The following OR10S1 variants were observed in gnomAD, a reference collection of about 807,000 sequenced individuals.
OR10S1 encodes the protein olfactory receptor family 10 subfamily S member 1, also known as olfactory receptor 10S1.
For synonymous variants in OR10S1, 167 were observed against 164.1 expected (o/e 1.02, Z -0.13); for missense variants, 415 against 407.9 (o/e 1.02, Z -0.15).
rs749281368 is a variant in OR10S1 at position 123,976,699 on chromosome 11, T to TG, written c.965dup (p.Ter323IlefsTer?). ...TTGTGAGTTTTGATAGCACAGACTATGGGGGTGGGCTGCCTGCTGTAGACT... is the reference window on the plus strand; with the variant it reads ...TTGTGAGTTTTGATAGCACAGACTATGGGGGGTGGGCTGCCTGCTGTAGACT... On this transcript the variant is annotated frameshift_variant, in exon 1 of 1. Coordinates refer to ENST00000641123, the Ensembl canonical transcript of OR10S1. LOFTEE classifies it high-confidence loss of function. 1 of 1,606,518 alleles carries TG rather than the reference T, an allele frequency of 6.2e-7. No homozygotes were observed. Among genetic ancestry groups the TG allele is most frequent in the African/African-American group, 1.3e-5 (1 of 74,944 alleles).
rs1863731551 is a variant in OR10S1, at chr11:123,977,432, GACAA to G, written c.229_232del (p.Ser78GlnfsTer2). On this transcript the variant is annotated frameshift_variant, in exon 1 of 1. Transcript: ENST00000641123. LOFTEE classifies it low-confidence loss of function (END_TRUNC). ...CATGACCTTGGGCACTGTCACTGTA[GACAA>G]ACAGGCATCCAGGAAGGAGAGGTGC... The G allele has an allele frequency of 2.6e-5, 42 of 1,614,034 alleles. No homozygotes were observed. The highest frequency in any genetic ancestry group is 3.5e-5 in the Non-Finnish European group (41 of 1,180,026).
exon 1 of OR10S1, chr11:123,976,804 C>T (rs1294211212): frequency 1.9e-6 from 3 of 1,614,064 alleles, no homozygotes; most frequent in Non-Finnish European, 2.5e-6. Context: ...ATGGGTTGAG[C>T]ATTGGAGTTA....
chr11:123,976,708 G>A (rs777588506), exon 1 of OR10S1: 2 of 1,608,940 alleles, frequency 1.2e-6, no homozygotes, highest in Non-Finnish European at 1.7e-6. Flanking sequence ...ATGGGGGTGG[G>A]CTGCCTGCTG....
At chr11:123,977,260 C>G in exon 1 of OR10S1, 1 of 1,614,170 alleles carries the variant, frequency 6.2e-7, no homozygotes, top group Non-Finnish European at 8.5e-7. Flanking sequence ...CTGGGTAGTG[C>G]AGGGGTTGAC....
chr11:123,976,703 G>C (rs377386301), exon 1 of OR10S1: 11 of 1,607,936 alleles, frequency 6.8e-6, no homozygotes, highest in African/African-American at 5.3e-5. Context: ...AGACTATGGG[G>C]GTGGGCTGCC....
At chr11:123,977,188 C>G (rs1476341540) in exon 1 of OR10S1, 7 of 1,614,076 alleles carry the variant, frequency 4.3e-6, no homozygotes, top group Non-Finnish European at 5.9e-6. Flanking sequence ...TTGCAGCGTG[C>G]GTGGCACCTA....
At chr11:123,976,798 G>A (rs1449444120) in exon 1 of OR10S1, 1 of 1,614,094 alleles carries the variant, frequency 6.2e-7, no homozygotes, top group Admixed American at 1.7e-5. Context: ...AAATGAATGG[G>A]TTGAGCATTG....
exon 1 of OR10S1, chr11:123,977,062 C>T (rs200731677): frequency 2.8e-5 from 45 of 1,614,202 alleles, no homozygotes; most frequent in Non-Finnish European, 3.6e-5. Context: ...GCATGACTAG[C>T]TCATTAATGG....
chr11:123,976,707 G>C (rs755883912), exon 1 of OR10S1: 2 of 1,608,986 alleles, frequency 1.2e-6, no homozygotes, highest in African/African-American at 1.3e-5. Context: ...TATGGGGGTG[G>C]GCTGCCTGCT....
Position 123,976,755 on chromosome 11 carries a change from G to T in OR10S1, c.910C>A (p.Leu304Met), listed in dbSNP as rs369589089. The T allele has an allele frequency of 1.2e-5, 20 of 1,614,082 alleles. No homozygotes were observed. Among genetic ancestry groups the T allele is most frequent in the African/African-American group, 1.1e-4 (8 of 74,930 alleles). Residue 304 changes from leucine to methionine, a missense_variant, in exon 1 of 1, where the codon CTG (leucine) becomes ATG (methionine). Leu to Met is a conservative substitution (Grantham distance 15, BLOSUM62 2). Coordinates refer to ENST00000641123, the Ensembl canonical transcript of OR10S1. ...AAGCTGCTGCACAAAAGCCTTTGCA[G>T]AGCATGCTTCACCTCCTTGTTCCGC...
chr11:123,977,658 T>C, exon 1 of OR10S1: 1 of 1,602,370 alleles, frequency 6.2e-7, no homozygotes, highest in African/African-American at 1.3e-5. Flanking sequence ...TCCGTTGTCA[T>C]GGTCATCTTC....
At chr11:123,976,894 G>A (rs758385131) in exon 1 of OR10S1, 29 of 1,613,980 alleles carry the variant, frequency 1.8e-5, no homozygotes, top group Middle Eastern at 1.6e-4. Flanking sequence ...CAGGTGGCAC[G>A]TAGTACAGGA....
In OR10S1 at chr11:123,977,012, A is replaced by C. The variant is rs1223144767; in HGVS notation, c.653T>G (p.Leu218Arg). The change falls in exon 1 of 1, where the codon CTC becomes CGC. Residue 218 changes from leucine to arginine, a missense_variant. Transcript: ENST00000641123. ...GATGAAGATGTAGGAAATAACGATG[A>C]GGATGAGGCAGCCTGCAGCCACGAT... 1.9e-6 allele frequency: 3 copies of C among 1,614,056 alleles called. No homozygotes were observed. In the African/African-American group the frequency reaches 4.0e-5, roughly 22 times the overall value.
At chr11:123,977,348 A>T (rs767876382) in exon 1 of OR10S1, 1 of 1,614,044 alleles carries the variant, frequency 6.2e-7, no homozygotes, top group Non-Finnish European at 8.5e-7. Flanking sequence ...GAAGCAATAA[A>T]GCTGTACGGC....
chr11:123,977,263 G>A (rs767812934), exon 1 of OR10S1: 1 of 1,614,188 alleles, frequency 6.2e-7, no homozygotes, highest in Middle Eastern at 1.6e-4. Flanking sequence ...GGTAGTGCAG[G>A]GGTTGACAGA....
chr11:123,977,217 C>T, exon 1 of OR10S1: 1 of 1,614,180 alleles, frequency 6.2e-7, no homozygotes, highest in African/African-American at 1.3e-5. Context: ...GTGATTCCAG[C>T]CATTTCTGCA....
rs1438626554 is a variant in OR10S1 at position 123,977,738 on chromosome 11, C to A, written c.-74G>T. The A allele has an allele frequency of 2.6e-6, 4 of 1,530,218 alleles. No homozygotes were observed. In the East Asian group the frequency reaches 6.8e-5, roughly 26 times the overall value. The allele number at this position is 1,530,218 out of a possible 1,614,324, so 94.8% of individuals were successfully genotyped here. A position where few individuals can be genotyped will look rare whatever the true frequency, so the allele number is the denominator to read the frequency against. Reference sequence around the variant, plus strand: ...ATTAATGGAATAAATAGCTGTATCCCTTTCCTGAGATGTCATTATCCATCA... The same window carrying A: ...ATTAATGGAATAAATAGCTGTATCCATTTCCTGAGATGTCATTATCCATCA... On this transcript the variant is annotated 5_prime_UTR_variant, in exon 1 of 1. The change creates a new upstream start codon in the 5' untranslated region. Coordinates refer to ENST00000641123, the Ensembl canonical transcript of OR10S1.
chr11:123,977,720 G>T (rs1427727097), exon 1 of OR10S1: 1 of 1,579,412 alleles, frequency 6.3e-7, no homozygotes, highest in East Asian at 2.2e-5. Flanking sequence ...GACATTAATG[G>T]AATAAATAGC....
exon 1 of OR10S1, chr11:123,977,130 T>G (rs761937659): frequency 6.2e-7 from 1 of 1,614,202 alleles, no homozygotes; most frequent in South Asian, 1.1e-5. Context: ...AAGTAGGCAA[T>G]GTGGCAAGGC....
Sources: allele counts gnomAD v4.1 joint callset, GRCh38; gene constraint gnomAD v4.1.1; transcripts MANE v1.5; gene names NCBI Gene and HGNC (gene_info 2026-07-23, HGNC 2026-07-21).